The following ADCY9 variants were observed in gnomAD, a reference collection of about 807,000 sequenced individuals.
The protein encoded by ADCY9 is adenylate cyclase type 9.
A neutral mutation model predicts 101.5 loss-of-function variants in ADCY9; 50 were observed. The observed-to-expected ratio is 0.49, with a 90% CI of 0.39 to 0.62. The LOEUF (loss-of-function observed/expected upper bound fraction) is 0.62, where lower values mean the gene tolerates loss of function less well. Among genes scored for constraint, ADCY9 ranks in the 20% least tolerant of loss-of-function variants. The pLI, the probability that ADCY9 is intolerant of heterozygous loss-of-function variation, is 0.00. For missense variants in ADCY9, 1,662 were observed against 1,800.4 expected, an observed-to-expected ratio of 0.92 and a Z score of 1.39; for synonymous variants, 905 against 769.3, an observed-to-expected ratio of 1.18 and a Z score of -2.92.
intron 2 of ADCY9, among the ~76,000 whole-genome samples, chr16:4,100,164 G>GCTCTCTCTCTCA (rs1555446481): frequency 6.6e-6 from 1 of 151,782 alleles, no homozygotes; most frequent in East Asian, 1.9e-4. Context: ...CCCTTCGCAT[G>GCTCTCTCTCTCA]CTCTCTCTCT....
intron 2 of ADCY9, among the ~76,000 whole-genome samples, chr16:4,026,227 C>A (rs1280249580): frequency 2.0e-5 from 3 of 152,042 alleles, no homozygotes; most frequent in African/African-American, 7.3e-5. Context: ...GAGTCTGAGA[C>A]CAGCGTAGGC....
Position 3,977,605 on chromosome 16 carries a change from G to A in ADCY9, c.2705C>T (p.Ala902Val), listed in dbSNP as rs912752455. The A allele has an allele frequency of 1.9e-6, 3 of 1,612,474 alleles. No homozygotes were observed. Among genetic ancestry groups the A allele is most frequent in the South Asian group, 1.1e-5 (1 of 90,884 alleles). ...ACAGTAGTGCACGACGGCAATCAGC[G>A]CGGCCGAGCCTGTGAACACTGGGAA... ...IHFPVFTGSA[A>V]LIAVVHYCNF... Residue 902 changes from alanine to valine, a missense_variant, in exon 9 of 11, where the codon GCG (alanine) becomes GTG (valine). Physicochemically the swap from Ala to Val is moderately conservative, Grantham distance 64 (BLOSUM62 0). Around this residue, in one of 5 missense-constraint regions of ADCY9, gnomAD observed 624 missense variants for 639.1 expected, o/e 0.98. Coordinates refer to ENST00000294016, the MANE Select transcript of ADCY9 (RefSeq NM_001116.4).
chr16:4,093,716 G>A lies in ADCY9; in HGVS notation c.1693+20034C>T, dbSNP rs535204736. Among the ~76,000 whole-genome samples, 7 of 152,278 alleles carry A rather than the reference G, an allele frequency of 4.6e-5. No homozygotes were observed. In the East Asian group the frequency reaches 9.6e-4, roughly 21 times the overall value. On this transcript the variant is annotated intron_variant, in intron 2 of 10. Coordinates refer to ENST00000294016, the MANE Select transcript of ADCY9 (RefSeq NM_001116.4). ...GGAGGCTGCAATGAGCTGAGATCAC[G>A]TCACTGCACTCCAGCCTGGGCGACA...
At chr16:3,988,196 T>G (rs1269640106) in intron 6 of ADCY9, among the ~76,000 whole-genome samples, 1 of 151,690 alleles carries the variant, frequency 6.6e-6, no homozygotes, top group Non-Finnish European at 1.5e-5. Flanking sequence ...CAGTCTGCAG[T>G]CGGGGAGAGC....
intron 2 of ADCY9, among the ~76,000 whole-genome samples, chr16:4,046,368 G>C (rs1250516127): frequency 6.6e-6 from 1 of 151,842 alleles, no homozygotes; most frequent in Non-Finnish European, 1.5e-5. Flanking sequence ...GCAGATCCAC[G>C]AATGGGCAGA....
intron 2 of ADCY9, among the ~76,000 whole-genome samples, chr16:4,055,644 T>G (rs1434944620): frequency 2.0e-5 from 3 of 151,716 alleles, no homozygotes; most frequent in Admixed American, 6.6e-5. Context: ...CCATCCCGGC[T>G]AACACGGTGA....
rs1425554336 is a variant in ADCY9, at chr16:4,021,506, C to T, written c.1694-13948G>A. 3.3e-5 allele frequency among the ~76,000 whole-genome samples: 5 copies of T among 152,180 alleles called. No individual in the cohort carries two copies. The South Asian group carries it at 8.3e-4, about 25-fold the overall frequency. On this transcript the variant is annotated intron_variant, in intron 2 of 10. Coordinates refer to ENST00000294016, the MANE Select transcript of ADCY9 (RefSeq NM_001116.4). ...GCCAACCTATCCCCTCACCATCTAC[C>T]GGCACCAAGTCTGTGTGAGCACACT... is the stretch of plus-strand genomic sequence containing the variant.
rs1448652965 is a variant in ADCY9 at position 4,039,789 on chromosome 16, A to G, written c.1694-32231T>C. Among the ~76,000 whole-genome samples the G allele has an allele frequency of 2.6e-5, 4 of 151,972 alleles. No individual in the cohort carries two copies. The East Asian group carries it at 5.8e-4, about 22-fold the overall frequency. ...TGCAGGGACTCACGCCTGTAATCCC[A>G]GCCCTTTGGGAGGTCGAGGCAGGCG... On this transcript the variant is annotated intron_variant, in intron 2 of 10. Coordinates refer to ENST00000294016, the MANE Select transcript of ADCY9 (RefSeq NM_001116.4).
At chr16:3,971,613 A>T (rs546634932) in intron 10 of ADCY9, among the ~76,000 whole-genome samples, 2 of 152,290 alleles carry the variant, frequency 1.3e-5, no homozygotes, top group South Asian at 4.1e-4. Flanking sequence ...CAGCTCCATG[A>T]GCCCTCTGGT....
chr16:3,978,715 T>A (rs2056114354), intron 8 of ADCY9, among the ~76,000 whole-genome samples: 1 of 152,146 alleles, frequency 6.6e-6, no homozygotes. Flanking sequence ...GTTTATTTTA[T>A]TTTATTTATT....
chr16:4,001,879 G>A (rs2056333732), intron 3 of ADCY9, among the ~76,000 whole-genome samples: 1 of 151,886 alleles, frequency 6.6e-6, no homozygotes, highest in Non-Finnish European at 1.5e-5. Flanking sequence ...CTCCCAAGTA[G>A]CTGGGACTAC....
At chr16:4,014,923 A>C (rs1337368442) in intron 2 of ADCY9, among the ~76,000 whole-genome samples, 1 of 133,658 alleles carries the variant, frequency 7.5e-6, no homozygotes, top group Non-Finnish European at 1.6e-5. Context: ...GAGTGACCAC[A>C]TTCCCCTGTT....
At chr16:4,075,144 T>A (rs1019390876) in intron 2 of ADCY9, among the ~76,000 whole-genome samples, 2 of 151,484 alleles carry the variant, frequency 1.3e-5, no homozygotes, top group Non-Finnish European at 2.9e-5. Context: ...GCCACTCCAC[T>A]CCAGCCTGGG....
At chr16:4,082,863 G>A (rs2056914107) in intron 2 of ADCY9, among the ~76,000 whole-genome samples, 1 of 152,232 alleles carries the variant, frequency 6.6e-6, no homozygotes. Context: ...AGGAGGATGT[G>A]GCACATGGCC....
At chr16:4,095,401 G>C (rs1011527957) in intron 2 of ADCY9, among the ~76,000 whole-genome samples, 1 of 152,098 alleles carries the variant, frequency 6.6e-6, no homozygotes, top group Non-Finnish European at 1.5e-5. Context: ...ACTCAATATA[G>C]GGCCAGTAGA....
intron 3 of ADCY9, among the ~76,000 whole-genome samples, chr16:4,005,050 G>GA (rs2056358367): frequency 1.3e-5 from 2 of 151,786 alleles, no homozygotes; most frequent in South Asian, 2.1e-4. Flanking sequence ...GGTGCAGCTT[G>GA]AAAAAAAACA....
At chr16:4,072,595 G>T (rs1215309705) in intron 2 of ADCY9, among the ~76,000 whole-genome samples, 2 of 152,038 alleles carry the variant, frequency 1.3e-5, no homozygotes, top group Non-Finnish European at 2.9e-5. Context: ...CTGTGCATAA[G>T]CCCCTATTAA....
chr16:4,063,668 C>T (rs1216505813), intron 2 of ADCY9, among the ~76,000 whole-genome samples: 1 of 151,340 alleles, frequency 6.6e-6, no homozygotes, highest in African/African-American at 2.4e-5. Context: ...GCCAGTATCG[C>T]ACCACTGCAC....
At chr16:4,010,458 C>T (rs571956074) in intron 2 of ADCY9, among the ~76,000 whole-genome samples, 120 of 152,356 alleles carry the variant, frequency 7.9e-4, no homozygotes, top group Middle Eastern at 3.4e-3. Flanking sequence ...GCCTCAAGCA[C>T]ATCTCCAACG....
Sources: gnomAD v4.1 joint callset for allele counts (sites outside exome capture counted in the v4.1 genomes callset) on GRCh38, gnomAD v4.1.1 for gene constraint, gnomAD v4.1.1 regional missense constraint, MANE v1.5 for transcripts, NCBI Gene and HGNC (gene_info 2026-07-23, HGNC 2026-07-21) for gene names.